Variants in OR1J2 observed in about 807,000 individuals in gnomAD.
OR1J2 encodes olfactory receptor family 1 subfamily J member 2, also known as olfactory receptor 1J2.
For synonymous variants in OR1J2, 142 were observed against 99.7 expected, an observed-to-expected ratio of 1.42 and a Z score of -2.52; for missense variants, 304 against 246.1, an observed-to-expected ratio of 1.24 and a Z score of -1.57.
At chr9:122,552,237 G>T in the OR1J2 span, among the ~76,000 whole-genome samples, 162 of 152,180 alleles carry the variant, frequency 1.1e-3, 1 homozygote, top group East Asian at 0.027. Flanking sequence ...AGCTTCTAAG[G>T]CCAAACTTCT....
chr9:122,569,900 A>C, the OR1J2 span, among the ~76,000 whole-genome samples: 1 of 151,376 alleles, frequency 6.6e-6, no homozygotes, highest in East Asian at 1.9e-4. Flanking sequence ...TCATTGTTCA[A>C]TTCCCACCAA....
the OR1J2 span, among the ~76,000 whole-genome samples, chr9:122,538,830 A>G: frequency 6.6e-6 from 1 of 152,200 alleles, no homozygotes; most frequent in Admixed American, 6.5e-5. Flanking sequence ...GACCTAAACA[A>G]TGGGTATACA....
the OR1J2 span, chr9:122,526,967 G>A: frequency 6.8e-6 from 11 of 1,614,100 alleles, no homozygotes; most frequent in Non-Finnish European, 9.3e-6. Flanking sequence ...GGAAGAAGCT[G>A]TCTAGATCAC....
the OR1J2 span, among the ~76,000 whole-genome samples, chr9:122,479,061 G>A: frequency 6.6e-6 from 1 of 152,158 alleles, no homozygotes; most frequent in African/African-American, 2.4e-5. Context: ...TTTAAGATAA[G>A]TGTAAGATAT....
At chr9:122,547,914 C>T in the OR1J2 span, among the ~76,000 whole-genome samples, 3 of 152,002 alleles carry the variant, frequency 2.0e-5, no homozygotes, top group East Asian at 1.9e-4. Context: ...ACCAACATTG[C>T]GTTAAGTATT....
chr9:122,468,163 A>G, the OR1J2 span, among the ~76,000 whole-genome samples: 1 of 152,228 alleles, frequency 6.6e-6, no homozygotes, highest in Admixed American at 6.5e-5. Context: ...TATACCTATT[A>G]AAGCAAGTGG....
the OR1J2 span, among the ~76,000 whole-genome samples, chr9:122,502,018 C>A: frequency 1.3e-5 from 2 of 152,168 alleles, no homozygotes; most frequent in Admixed American, 6.5e-5. Flanking sequence ...CTGTTTGTAA[C>A]CGAGGACTGA....
chr9:122,450,783 G>A, the OR1J2 span, among the ~76,000 whole-genome samples: 1 of 152,100 alleles, frequency 6.6e-6, no homozygotes, highest in Non-Finnish European at 1.5e-5. Context: ...GCTAACCACT[G>A]TTCTACTCTT....
chr9:122,515,455 ACAGGGATGCAACAATCAC>A (rs2119386839), downstream of OR1J2, among the ~76,000 whole-genome samples: 1 of 148,888 alleles, frequency 6.7e-6, no homozygotes, highest in South Asian at 2.1e-4. Flanking sequence ...GTTCCTAAAG[ACAGGGATGCAACAATCAC>A]CACCGGCCAA....
At chr9:122,507,594 G>A (rs16911851), upstream of OR1J2, among the ~76,000 whole-genome samples, 1,598 of 152,194 alleles carry the variant, frequency 0.01, 23 homozygotes, top group African/African-American at 0.036. Context: ...TTGTCTGAAT[G>A]AGAACTCCAG....
chr9:122,458,094 T>C, the OR1J2 span, among the ~76,000 whole-genome samples: 2 of 152,174 alleles, frequency 1.3e-5, no homozygotes, highest in African/African-American at 2.4e-5. Flanking sequence ...TTCTTTAATA[T>C]TTGTTTTAGG....
At chr9:122,569,828 C>A in the OR1J2 span, among the ~76,000 whole-genome samples, 35,296 of 151,256 alleles carry the variant, frequency 0.23, 4,571 homozygotes, top group Middle Eastern at 0.34. Context: ...ATCCCTCCCC[C>A]CTGCCCCCAC....
At chr9:122,534,418 A>G in the OR1J2 span, among the ~76,000 whole-genome samples, 11 of 152,136 alleles carry the variant, frequency 7.2e-5, no homozygotes, top group Non-Finnish European at 1.5e-4. Context: ...TGGACTGGGT[A>G]TTAATATTTG....
At chr9:122,569,415 G>A in the OR1J2 span, among the ~76,000 whole-genome samples, 2 of 90,258 alleles carry the variant, frequency 2.2e-5, no homozygotes, top group East Asian at 1.3e-3. Flanking sequence ...GGATATCAAA[G>A]TGGCTTCCAT....
At chr9:122,520,153 C>CTTGCTGGGATCAG in the OR1J2 span, 3 of 1,128,862 alleles carry the variant, frequency 2.7e-6, no homozygotes, top group Non-Finnish European at 3.8e-6. Context: ...CTTCTGATCC[C>CTTGCTGGGATCAG]AGCAAGGGAT....
chr9:122,481,449 A>G, the OR1J2 span, among the ~76,000 whole-genome samples: 649 of 152,322 alleles, frequency 4.3e-3, 3 homozygotes, highest in Middle Eastern at 0.02. Flanking sequence ...ACAAAACACT[A>G]GTATTCCGGA....
At chr9:122,472,724 A>G in the OR1J2 span, among the ~76,000 whole-genome samples, 2 of 152,172 alleles carry the variant, frequency 1.3e-5, no homozygotes, top group Non-Finnish European at 2.9e-5. Context: ...AAAACACCAT[A>G]ATCTGCAATC....
At chr9:122,546,071 C>T in the OR1J2 span, among the ~76,000 whole-genome samples, 1 of 151,992 alleles carries the variant, frequency 6.6e-6, no homozygotes, top group Non-Finnish European at 1.5e-5. Context: ...CTCAGGTCTT[C>T]AGATTGAGAG....
chr9:122,540,290 G>C, the OR1J2 span, among the ~76,000 whole-genome samples: 1 of 152,058 alleles, frequency 6.6e-6, no homozygotes, highest in Non-Finnish European at 1.5e-5. Context: ...ATTAATTTTT[G>C]TATAAGGTGT....
Sources: gnomAD v4.1 joint callset for allele counts (sites outside exome capture counted in the v4.1 genomes callset) on GRCh38, gnomAD v4.1.1 for gene constraint, MANE v1.5 for transcripts, NCBI Gene and HGNC (gene_info 2026-07-23, HGNC 2026-07-21) for gene names.